NTAN1: variants seen among roughly 807,000 people sequenced by gnomAD.
The protein encoded by NTAN1 is protein N-terminal asparagine amidohydrolase.
Under a neutral mutation model 41.9 loss-of-function variants are expected in NTAN1, and 32 were observed. That is an observed-to-expected ratio of 0.76 (90% CI 0.58 to 1.03). The LOEUF (loss-of-function observed/expected upper bound fraction) is 1.03. Among genes scored for constraint, NTAN1 ranks in the 50% least tolerant of loss-of-function variants. The pLI is 0.00. For synonymous variants in NTAN1, 140 were observed against 139.5 expected, an observed-to-expected ratio of 1.00 and a Z score of -0.03; for missense variants, 377 against 377.5, an observed-to-expected ratio of 1.00 and a Z score of 0.01.
intron 4 of NTAN1, among the ~76,000 whole-genome samples, chr16:15,046,255 C>T (rs2044056525): frequency 6.6e-6 from 1 of 152,252 alleles, no homozygotes; most frequent in African/African-American, 2.4e-5. Flanking sequence ...TCCCAGAGAA[C>T]TCTCTCTTTC....
At chr16:15,053,199 G>C (rs1240515712) in intron 1 of NTAN1, among the ~76,000 whole-genome samples, 1 of 152,238 alleles carries the variant, frequency 6.6e-6, no homozygotes, top group South Asian at 2.1e-4. Context: ...CAGAGTCAAG[G>C]GCAGGCTGCC....
intron 8 of NTAN1, among the ~76,000 whole-genome samples, chr16:15,039,681 G>A (rs1328574631): frequency 6.6e-6 from 1 of 152,138 alleles, no homozygotes; most frequent in African/African-American, 2.4e-5. Context: ...TTATAGAAAA[G>A]CTCTTACAAA....
At chr16:15,039,493 A>AT (rs1271703335) in intron 8 of NTAN1, among the ~76,000 whole-genome samples, 1 of 152,198 alleles carries the variant, frequency 6.6e-6, no homozygotes, top group African/African-American at 2.4e-5. Flanking sequence ...TTACAGTGTA[A>AT]TTTAATTAAG....
At position 15,040,542 on chromosome 16, in the gene NTAN1, T is replaced by C. The variant is rs1055728407; in HGVS notation, c.542-476A>G. ...CCGCTACAGCAGAAGCCCTCGGAAA[T>C]AGAGCCGATTCCATGATGCCTTTTC... On this transcript the variant is annotated intron_variant, in intron 7 of 9. Transcript: ENST00000287706. 7 of 173,518 alleles carry C rather than the reference T, an allele frequency of 4.0e-5. No individual in the cohort carries two copies. In the South Asian group the frequency reaches 1.0e-3, roughly 25 times the overall value. The allele number at this position is 173,518 out of a possible 1,614,324, so 10.7% of individuals were successfully genotyped here.
intron 5 of NTAN1, among the ~76,000 whole-genome samples, chr16:15,042,239 G>T (rs2151695375): frequency 1.4e-5 from 2 of 146,282 alleles, no homozygotes; most frequent in South Asian, 4.3e-4. Context: ...AGGCTGGAGT[G>T]CAGTGGAGCG....
In NTAN1 at chr16:15,037,909, A is replaced by G. The variant is rs2043589012; in HGVS notation, c.*122T>C. The G allele has an allele frequency of 6.6e-6, 4 of 607,514 alleles. No homozygotes were observed. The highest frequency in any genetic ancestry group is 1.2e-5 in the Non-Finnish European group (4 of 344,460). 37.6% of individuals were successfully genotyped at this position (607,514 alleles called of 1,614,324 possible). On this transcript the variant is annotated 3_prime_UTR_variant, in exon 10 of 10. Transcript: ENST00000287706. Reference sequence around the variant, plus strand: ...AGTCATTTGATGAAAGTCATTTGAAAGACACTGAGGAGGGAAGGAGGCCTA... The same window carrying G: ...AGTCATTTGATGAAAGTCATTTGAAGGACACTGAGGAGGGAAGGAGGCCTA...
intron 9 of NTAN1, 103 bp from the exon 10 acceptor site, chr16:15,038,313 T>C (rs2043631989): frequency 1.2e-6 from 1 of 817,040 alleles, no homozygotes; most frequent in African/African-American, 1.7e-5. Context: ...ATATATATAA[T>C]AAAATACGTT....
chr16:15,049,528 A>C (rs1384967241), intron 1 of NTAN1, among the ~76,000 whole-genome samples: 1 of 151,826 alleles, frequency 6.6e-6, no homozygotes, highest in Non-Finnish European at 1.5e-5. Flanking sequence ...TCCCAGGTTC[A>C]AGCGATTCTC....
At chr16:15,043,171 A>G (rs1411723607) in intron 5 of NTAN1, among the ~76,000 whole-genome samples, 1 of 152,100 alleles carries the variant, frequency 6.6e-6, no homozygotes, top group Non-Finnish European at 1.5e-5. Flanking sequence ...AAGTGCTGGG[A>G]TTACAGGCAT....
chr16:15,046,744 G>A (rs1014690806), intron 4 of NTAN1, among the ~76,000 whole-genome samples: 4 of 139,642 alleles, frequency 2.9e-5, no homozygotes, highest in Non-Finnish European at 4.6e-5. Flanking sequence ...GTATGGTGGT[G>A]TACACCTGTG....
At chr16:15,043,249 T>C (rs553486439) in intron 5 of NTAN1, among the ~76,000 whole-genome samples, 1 of 152,110 alleles carries the variant, frequency 6.6e-6, no homozygotes, top group African/African-American at 2.4e-5. Context: ...TTGCCCAGGC[T>C]GGTGTCGAAC....
Position 15,056,014 on chromosome 16 carries a change from CCCCG to C in NTAN1, c.-47_-44del. ...AGGCAGGCCCAGGGAGGCGGCGGCC[CCCCG>C]CTTTGCAGCCCCGGGCCGCCCGCCG... On this transcript the variant is annotated 5_prime_UTR_variant, in exon 1 of 10. Coordinates refer to ENST00000287706, the MANE Select transcript of NTAN1 (RefSeq NM_173474.4). 9.3e-7 allele frequency: 1 copy of C among 1,072,382 alleles called. No individual in the cohort carries two copies. Among genetic ancestry groups the C allele is most frequent in the Non-Finnish European group, 1.2e-6 (1 of 858,422 alleles). The allele number at this position is 1,072,382 out of a possible 1,614,324, so 66.4% of individuals were successfully genotyped here. A position where few individuals can be genotyped will look rare whatever the true frequency, so the allele number is the denominator to read the frequency against.
rs1372200370 is a variant in NTAN1 at position 15,048,037 on chromosome 16, A to T, written c.144T>A (p.Tyr48Ter). Reference sequence around the variant, plus strand: ...TCACTGCAAGCTCTCTTTGCTGAACATACAGAAGGCCCTGGGGTCCCACTT... The same window carrying T: ...TCACTGCAAGCTCTCTTTGCTGAACTTACAGAAGGCCCTGGGGTCCCACTT... Reference protein sequence around the residue: ...VQQVGPQGLLYVQQRELAVTS... With the variant: ...VQQVGPQGLL Residue 48 changes from tyrosine to a stop codon, truncating the protein, a stop_gained, in exon 2 of 10, where the codon TAT (tyrosine) becomes TAA (stop). Transcript: ENST00000287706. LOFTEE classifies it high-confidence loss of function. The T allele has an allele frequency of 6.2e-7, 1 of 1,613,768 alleles. No homozygotes were observed. The highest frequency in any genetic ancestry group is 1.3e-5 in the African/African-American group (1 of 75,050).
At chr16:15,046,697 C>CAAAAAAA (rs9331444) in intron 4 of NTAN1, among the ~76,000 whole-genome samples, 1 of 43,620 alleles carries the variant, frequency 2.3e-5, no homozygotes, top group South Asian at 1.3e-3. Flanking sequence ...CTGTCTCTAC[C>CAAAAAAA]AAAAAAAAAA....
chr16:15,041,819 T>C, intron 5 of NTAN1, 143 bp from the exon 6 acceptor site: 3 of 696,106 alleles, frequency 4.3e-6, no homozygotes, highest in Non-Finnish European at 2.6e-6. Context: ...TGCCACAGCC[T>C]GGCCTATGGG....
intron 6 of NTAN1, 75 bp downstream of exon 6, chr16:15,041,548 G>T: frequency 1.0e-6 from 1 of 969,096 alleles, no homozygotes; most frequent in Non-Finnish European, 1.7e-6. Flanking sequence ...GCCGGTGCTT[G>T]GGCCCACTGC....
chr16:15,055,644 A>C (rs2044479737), intron 1 of NTAN1: 2 of 342,946 alleles, frequency 5.8e-6, no homozygotes, highest in South Asian at 1.5e-4. Flanking sequence ...ACCTTGGGCA[A>C]GTCACCTAAC....
intron 1 of NTAN1, 73 bp from the exon 2 acceptor site, chr16:15,048,172 G>T: frequency 9.7e-7 from 1 of 1,034,136 alleles, no homozygotes; most frequent in Non-Finnish European, 1.5e-6. Context: ...TGTGGAGAGA[G>T]CCAAAGTGGG....
Position 15,038,659 on chromosome 16 carries a change from T to G in NTAN1, c.668A>C (p.Glu223Ala). Residue 223 changes from glutamate (E) to alanine (A), a missense_variant, in exon 9 of 10, where the codon GAA (glutamate) becomes GCA (alanine). Coordinates refer to ENST00000287706, the MANE Select transcript of NTAN1 (RefSeq NM_173474.4). ...GGAGTACGGTCCTATACGAAGTTGT[T>G]CTGTCTCTGCATCATAAATGCTAAT... ...PMISIYDAETEQLRIGPYSWT... is the reference protein window; with the variant it reads ...PMISIYDAETAQLRIGPYSWT... The G allele has an allele frequency of 1.3e-6, 2 of 1,599,632 alleles. No individual in the cohort carries two copies. The highest frequency in any genetic ancestry group is 1.7e-6 in the Non-Finnish European group (2 of 1,168,022).
Sources: gnomAD v4.1 joint callset for allele counts (sites outside exome capture counted in the v4.1 genomes callset) on GRCh38, gnomAD v4.1.1 for gene constraint, MANE v1.5 for transcripts, NCBI Gene and HGNC (gene_info 2026-07-23, HGNC 2026-07-21) for gene names.